The following EDA variants were observed in gnomAD, a reference collection of about 807,000 sequenced individuals.
EDA encodes the protein ectodysplasin A.
EDA carries 2 observed loss-of-function variants against 23.6 expected under a neutral mutation model. The ratio of observed to expected loss-of-function variants is 0.08; its 90% CI spans 0.03 to 0.27. The LOEUF is 0.27. Among genes scored for constraint, EDA ranks in the 10% least tolerant of loss-of-function variants. EDA has a pLI of 1.00. For missense variants in EDA, 229 were observed against 324.2 expected, an observed-to-expected ratio of 0.71 and a Z score of 2.26; for synonymous variants, 131 against 132.0, an observed-to-expected ratio of 0.99 and a Z score of 0.05.
chrX:69,720,835 C>T (rs2012552274), intron 1 of EDA, among the ~76,000 whole-genome samples: 1 of 112,416 alleles, frequency 8.9e-6, no homozygotes, highest in African/African-American at 3.2e-5. Context: ...ATAATTCTAA[C>T]ATCTGATTTC....
intron 1 of EDA, among the ~76,000 whole-genome samples, chrX:69,908,105 G>A (rs1365295592): frequency 3.6e-5 from 4 of 111,790 alleles, no homozygotes; most frequent in Non-Finnish European, 7.5e-5. Context: ...ATTCTAAAAT[G>A]TATTTTCAAT....
chrX:69,837,028 T>G (rs1222950061), intron 1 of EDA, among the ~76,000 whole-genome samples: 1 of 112,106 alleles, frequency 8.9e-6, no homozygotes, highest in African/African-American at 3.2e-5. Context: ...TTAAAAAATT[T>G]TTTTGTTTCT....
At chrX:69,835,304 G>C (rs770853805) in intron 1 of EDA, among the ~76,000 whole-genome samples, 4 of 112,046 alleles carry the variant, frequency 3.6e-5, no homozygotes, top group Non-Finnish European at 7.5e-5. Context: ...ATCCTGCAGA[G>C]TGTTTTCCAA....
chrX:69,674,476 T>C (rs1934012864), intron 1 of EDA, among the ~76,000 whole-genome samples: 1 of 112,475 alleles, frequency 8.9e-6, no homozygotes. Context: ...TTTTTGTAGT[T>C]GGACATTTCA....
intron 1 of EDA, among the ~76,000 whole-genome samples, chrX:69,705,281 C>G (rs764662155): frequency 9.1e-6 from 1 of 109,612 alleles, no homozygotes; most frequent in Non-Finnish European, 1.9e-5. Context: ...CAGAGGCTTT[C>G]TGAGTTCCCC....
At chrX:69,747,887 C>T (rs749202361) in intron 1 of EDA, among the ~76,000 whole-genome samples, 1 of 111,755 alleles carries the variant, frequency 8.9e-6, no homozygotes, top group South Asian at 3.8e-4. Context: ...GTGAGACTGG[C>T]AGAGTCCTGA....
intron 1 of EDA, among the ~76,000 whole-genome samples, chrX:69,655,787 T>TATATATATATATATA (rs6151315): frequency 6.8e-4 from 60 of 88,297 alleles, no homozygotes; most frequent in Admixed American, 9.0e-4. Context: ...TATATATATA[T>TATATATATATATATA]TGCACTTTGT....
intron 1 of EDA, among the ~76,000 whole-genome samples, chrX:69,725,970 G>T (rs746061599): frequency 4.5e-5 from 5 of 111,952 alleles, no homozygotes; most frequent in African/African-American, 1.6e-4. Context: ...TAAAGAGACT[G>T]AGAAGCCAAA....
chrX:69,940,324 ATG>A (rs2018739395), intron 1 of EDA, among the ~76,000 whole-genome samples: 1 of 110,939 alleles, frequency 9.0e-6, no homozygotes, highest in African/African-American at 3.3e-5. Context: ...GGTAGGTTGT[ATG>A]TGTCTAGGAA....
chrX:69,696,967 A>G (rs989195362), intron 1 of EDA, among the ~76,000 whole-genome samples: 5 of 112,268 alleles, frequency 4.5e-5, no homozygotes, highest in Admixed American at 3.8e-4. Context: ...AGTTTCAGTT[A>G]TCTGCGATCA....
chrX:70,005,750 T>C (rs1428676657), intron 2 of EDA, among the ~76,000 whole-genome samples: 1 of 110,674 alleles, frequency 9.0e-6, no homozygotes, highest in Non-Finnish European at 1.9e-5. Flanking sequence ...TTGAACTACA[T>C]GCCATGCAGT....
intron 1 of EDA, among the ~76,000 whole-genome samples, chrX:69,626,634 G>A (rs748884014): frequency 9.0e-6 from 1 of 111,434 alleles, no homozygotes; most frequent in East Asian, 2.8e-4. Flanking sequence ...GGATGCCTGG[G>A]GCAGGGGGTA....
At chrX:69,725,768 G>A (rs2012775033) in intron 1 of EDA, among the ~76,000 whole-genome samples, 1 of 112,195 alleles carries the variant, frequency 8.9e-6, no homozygotes, top group African/African-American at 3.2e-5. Flanking sequence ...GGACTAACTG[G>A]TATCAGACCA....
At chrX:70,013,098 C>T (rs1351269914) in intron 2 of EDA, among the ~76,000 whole-genome samples, 4 of 112,599 alleles carry the variant, frequency 3.6e-5, no homozygotes, top group Non-Finnish European at 5.6e-5. Context: ...CGCCTCTCCA[C>T]CTGGGCCCCC....
At chrX:69,636,291 T>C (rs758386043) in intron 1 of EDA, among the ~76,000 whole-genome samples, 2 of 110,049 alleles carry the variant, frequency 1.8e-5, no homozygotes, top group East Asian at 5.8e-4. Flanking sequence ...ATGTGCCTAC[T>C]CCCACTCCAC....
chrX:69,840,696 T>C (rs1034895642), intron 1 of EDA, among the ~76,000 whole-genome samples: 1 of 112,316 alleles, frequency 8.9e-6, no homozygotes, highest in Admixed American at 9.5e-5. Context: ...AGATAATTTG[T>C]AAAGAACATA....
At chrX:69,939,881 T>C (rs1040757091) in intron 1 of EDA, among the ~76,000 whole-genome samples, 1 of 112,287 alleles carries the variant, frequency 8.9e-6, no homozygotes, top group African/African-American at 3.2e-5. Flanking sequence ...TGATATGATG[T>C]ATCACATTGA....
chrX:69,711,519 G>A (rs1281841984), intron 1 of EDA, among the ~76,000 whole-genome samples: 9 of 111,781 alleles, frequency 8.1e-5, no homozygotes, highest in Non-Finnish European at 3.8e-5. Flanking sequence ...AAATGAGTTA[G>A]GGAGGATTCC....
At position 69,776,646 on chromosome X, in the gene EDA, C is replaced by T. The variant is rs190182159; in HGVS notation, c.396+159942C>T. Among the ~76,000 whole-genome samples, 149 of 110,686 alleles carry T rather than the reference C, an allele frequency of 1.3e-3. 1 individual carries two copies. The highest frequency in any genetic ancestry group is 4.7e-3 in the African/African-American group (144 of 30,488). ...AGTAATACAAACAGAAATGCATAGCCCTGAAGAAGAGGGGAGCTGTGGCCT... is the reference window on the plus strand; with the variant it reads ...AGTAATACAAACAGAAATGCATAGCTCTGAAGAAGAGGGGAGCTGTGGCCT... On this transcript the variant is annotated intron_variant, in intron 1 of 7. Coordinates refer to ENST00000374552, the MANE Select transcript of EDA (RefSeq NM_001399.5).
Sources: allele counts gnomAD v4.1 joint callset (sites outside exome capture counted in the v4.1 genomes callset), GRCh38; gene constraint gnomAD v4.1.1; transcripts MANE v1.5; gene names NCBI Gene and HGNC (gene_info 2026-07-23, HGNC 2026-07-21).